Variants in RAP1GAP2 observed in about 807,000 individuals in gnomAD.
The protein encoded by RAP1GAP2 is rap1 GTPase-activating protein 2.
RAP1GAP2 carries 27 observed loss-of-function variants against 95.0 expected under a neutral mutation model. The ratio of observed to expected loss-of-function variants is 0.28; its 90% confidence interval spans 0.21 to 0.39. RAP1GAP2 has a LOEUF of 0.39. Ranked by LOEUF, RAP1GAP2 falls within the 10% of genes least tolerant of loss-of-function variation. The probability of loss-of-function intolerance (pLI) is 1.00; values close to 1 mark genes in which losing one functional copy is unlikely to be tolerated. For missense variants in RAP1GAP2, 771 were observed against 970.0 expected (o/e 0.79, Z 2.72); for synonymous variants, 373 against 380.9 (o/e 0.98, Z 0.24).
rs1055875906 is a variant in RAP1GAP2, at chr17:2,990,102, A to G, written c.814-1195A>G. Among the ~76,000 whole-genome samples, 9 of 152,320 alleles carry G rather than the reference A, an allele frequency of 5.9e-5. No individual in the cohort carries two copies. In the South Asian group the frequency reaches 1.0e-3, roughly 18 times the overall value. On this transcript the variant is annotated intron_variant, in intron 11 of 24. Transcript: ENST00000254695. ...CTTGTTCATGGCCAAATAATATTCC[A>G]TTGTGTGGATAGCCCACATTTTGTC...
intron 3 of RAP1GAP2, among the ~76,000 whole-genome samples, chr17:2,930,664 T>TA (rs1050759197): frequency 1.3e-5 from 2 of 152,230 alleles, no homozygotes; most frequent in Non-Finnish European, 2.9e-5. Context: ...TGTCGGATTG[T>TA]AAGACAAAGG....
chr17:2,924,266 G>T (rs991862560), intron 3 of RAP1GAP2, among the ~76,000 whole-genome samples: 2 of 152,108 alleles, frequency 1.3e-5, no homozygotes, highest in African/African-American at 2.4e-5. Context: ...GCTGAGTAAC[G>T]GTCTGCACCT....
intron 3 of RAP1GAP2, among the ~76,000 whole-genome samples, chr17:2,940,778 G>A (rs951906331): frequency 2.6e-5 from 4 of 152,310 alleles, no homozygotes; most frequent in East Asian, 1.9e-4. Context: ...GAGGCTCTTC[G>A]TCTTTCCCCT....
intron 2 of RAP1GAP2, among the ~76,000 whole-genome samples, chr17:2,844,885 A>C (rs916830587): frequency 6.6e-6 from 1 of 152,294 alleles, no homozygotes; most frequent in East Asian, 1.9e-4. Flanking sequence ...ATAAATTAGA[A>C]TTTATTAGGA....
chr17:2,959,524 A>G (rs1388553584), intron 4 of RAP1GAP2, among the ~76,000 whole-genome samples: 1 of 152,188 alleles, frequency 6.6e-6, no homozygotes, highest in African/African-American at 2.4e-5. Flanking sequence ...ACTGCTGGCC[A>G]TGGAGTGCCC....
At chr17:2,822,636 T>G (rs9896115) in intron 2 of RAP1GAP2, among the ~76,000 whole-genome samples, 55,836 of 120,496 alleles carry the variant, frequency 0.46, 10,873 homozygotes, top group Middle Eastern at 0.55. Flanking sequence ...TGTTTTTTTT[T>G]TTTTTTTTTT....
chr17:2,888,795 T>C (rs2073589627), intron 2 of RAP1GAP2, among the ~76,000 whole-genome samples: 1 of 150,254 alleles, frequency 6.7e-6, no homozygotes, highest in African/African-American at 2.5e-5. Flanking sequence ...GGGACTACAG[T>C]GTACACCACC....
intron 2 of RAP1GAP2, 58 bp from the exon 3 acceptor site, chr17:2,905,226 G>A: frequency 2.0e-6 from 3 of 1,510,406 alleles, no homozygotes; most frequent in South Asian, 1.1e-5. Context: ...GTCACTCTTG[G>A]AGGAGAGAAG....
At chr17:3,011,914 T>C (rs897665415) in intron 17 of RAP1GAP2, among the ~76,000 whole-genome samples, 5 of 152,098 alleles carry the variant, frequency 3.3e-5, no homozygotes, top group African/African-American at 1.2e-4. Context: ...GCGCCCGGCC[T>C]CCTTCCTGTC....
intron 2 of RAP1GAP2, among the ~76,000 whole-genome samples, chr17:2,835,987 C>T (rs953109449): frequency 2.0e-5 from 3 of 152,114 alleles, no homozygotes; most frequent in Non-Finnish European, 4.4e-5. Context: ...GTGCGCAGAC[C>T]GCCCCCAGCC....
chr17:3,020,668 C>T (rs570361330), intron 19 of RAP1GAP2, 73 bp downstream of exon 19: 74 of 1,343,006 alleles, frequency 5.5e-5, no homozygotes, highest in Non-Finnish European at 7.3e-5. Context: ...TACAGCTGTT[C>T]AGTGCCCTAC....
intron 3 of RAP1GAP2, among the ~76,000 whole-genome samples, chr17:2,957,392 T>C (rs764357627): frequency 2.0e-5 from 3 of 152,208 alleles, no homozygotes; most frequent in Non-Finnish European, 4.4e-5. Context: ...GCCCCACTGT[T>C]GGGTTGAAAA....
intron 2 of RAP1GAP2, among the ~76,000 whole-genome samples, chr17:2,803,838 C>T (rs58868094): frequency 0.024 from 3,686 of 152,304 alleles, 114 homozygotes; most frequent in East Asian, 0.15. Flanking sequence ...GAGATCACAC[C>T]ATTACACTAC....
intron 3 of RAP1GAP2, among the ~76,000 whole-genome samples, chr17:2,919,454 C>T (rs12937275): frequency 0.074 from 11,285 of 152,226 alleles, 472 homozygotes; most frequent in Middle Eastern, 0.11. Context: ...CAGTTTGTCC[C>T]TATCATAAGT....
In RAP1GAP2 at chr17:2,865,558, G is replaced by A. The variant is rs115083321; in HGVS notation, c.81-39726G>A. Among the ~76,000 whole-genome samples, 111 of 152,260 alleles carry A rather than the reference G, an allele frequency of 7.3e-4. 1 individual carries two copies. The highest frequency in any genetic ancestry group is 2.5e-3 in the African/African-American group (104 of 41,546). ...TGTGCCATCTGTATTTTAATAGAACGTCTATTTTAATAAGATCTTTGAGAT... is the reference window on the plus strand; with the variant it reads ...TGTGCCATCTGTATTTTAATAGAACATCTATTTTAATAAGATCTTTGAGAT... On this transcript the variant is annotated intron_variant, in intron 2 of 24. Coordinates refer to ENST00000254695, the MANE Select transcript of RAP1GAP2 (RefSeq NM_015085.5).
At chr17:2,949,676 C>T (rs2043843767) in intron 3 of RAP1GAP2, among the ~76,000 whole-genome samples, 1 of 25,382 alleles carries the variant, frequency 3.9e-5, no homozygotes, top group Non-Finnish European at 2.5e-3. Context: ...TCTGTGTGCC[C>T]TGAGCGTTAA....
intron 1 of RAP1GAP2, among the ~76,000 whole-genome samples, chr17:2,757,385 G>A (rs554341365): frequency 6.6e-6 from 1 of 152,326 alleles, no homozygotes; most frequent in Admixed American, 6.5e-5. Flanking sequence ...GCCTCCCAAA[G>A]TGCTGGGATT....
intron 3 of RAP1GAP2, among the ~76,000 whole-genome samples, chr17:2,911,260 A>ATTTTTTTTTTTTTTTTTTTTT (rs34227127): frequency 7.6e-6 from 1 of 132,028 alleles, no homozygotes; most frequent in Non-Finnish European, 1.6e-5. Flanking sequence ...TTTGAAGGGG[A>ATTTTTTTTTTTTTTTTTTTTT]TTTTTTTTTT....
intron 1 of RAP1GAP2, among the ~76,000 whole-genome samples, chr17:2,781,571 T>G (rs71359178): frequency 0.046 from 5,247 of 112,854 alleles, 88 homozygotes; most frequent in South Asian, 0.06. Flanking sequence ...TCTCTGTGTG[T>G]GCAGGTCTCT....
Sources: gnomAD v4.1 joint callset for allele counts (sites outside exome capture counted in the v4.1 genomes callset) on GRCh38, gnomAD v4.1.1 for gene constraint, MANE v1.5 for transcripts, NCBI Gene and HGNC (gene_info 2026-07-23, HGNC 2026-07-21) for gene names.